The following ZRANB3 variants were observed in gnomAD, a reference collection of about 807,000 sequenced individuals.
ZRANB3 encodes the protein DNA annealing helicase and endonuclease ZRANB3.
A neutral mutation model predicts 133.8 loss-of-function variants in ZRANB3; 125 were observed. The ratio of observed to expected loss-of-function variants is 0.93; its 90% CI spans 0.81 to 1.08. ZRANB3 has a LOEUF of 1.08. Among genes scored for constraint, ZRANB3 ranks in the 50% least tolerant of loss-of-function variants. The probability of loss-of-function intolerance (pLI) is 0.00; values close to 1 mark genes in which losing one functional copy is unlikely to be tolerated. For missense variants in ZRANB3, 1,229 were observed against 1,275.5 expected (o/e 0.96, Z 0.56); for synonymous variants, 387 against 432.7 (o/e 0.89, Z 1.31).
At chr2:135,284,238 A>G (rs1681238202) in intron 8 of ZRANB3, among the ~76,000 whole-genome samples, 2 of 152,206 alleles carry the variant, frequency 1.3e-5, no homozygotes, top group Admixed American at 1.3e-4. Flanking sequence ...TGTGGTGAAA[A>G]TTAAATAAGT....
chr2:135,247,538 G>A (rs1388293074), intron 12 of ZRANB3, among the ~76,000 whole-genome samples: 1 of 151,912 alleles, frequency 6.6e-6, no homozygotes, highest in Non-Finnish European at 1.5e-5. Context: ...AAAAGAAAAC[G>A]TTATTACTTA....
intron 2 of ZRANB3, among the ~76,000 whole-genome samples, chr2:135,501,071 T>C (rs1243863193): frequency 6.6e-6 from 1 of 151,936 alleles, no homozygotes; most frequent in Non-Finnish European, 1.5e-5. Context: ...ACAGGATAAA[T>C]AAAAAGAAAA....
intron 2 of ZRANB3, among the ~76,000 whole-genome samples, chr2:135,409,438 C>T (rs1012320001): frequency 2.7e-5 from 4 of 149,776 alleles, no homozygotes; most frequent in Non-Finnish European, 4.4e-5. Flanking sequence ...TCCAACATCG[C>T]TTTATGATAA....
chr2:135,283,054 G>A lies in ZRANB3; in HGVS notation c.967-7299C>T, dbSNP rs527743214. On this transcript the variant is annotated intron_variant, in intron 8 of 20. Transcript: ENST00000264159. ...AATCCCAGCACTTTGGGAGGCTGGG[G>A]CAGGAGGACTGCTCAAGCCCAGGAG... 2.2e-4 allele frequency among the ~76,000 whole-genome samples: 33 copies of A among 152,276 alleles called. No individual in the cohort carries two copies. In the South Asian group the frequency reaches 5.8e-3, roughly 27 times the overall value.
intron 2 of ZRANB3, among the ~76,000 whole-genome samples, chr2:135,402,383 C>T (rs1340818186): frequency 6.6e-6 from 1 of 151,412 alleles, no homozygotes; most frequent in South Asian, 2.1e-4. Flanking sequence ...CAACCTCCGG[C>T]TCCCAGGTTC....
In ZRANB3 at chr2:135,268,943, A is replaced by C. The variant is rs1353092980; in HGVS notation, c.1386+19T>G. 9 of 1,587,886 alleles carry C rather than the reference A, an allele frequency of 5.7e-6. No homozygotes were observed. The highest frequency in any genetic ancestry group is 7.7e-6 in the Non-Finnish European group (9 of 1,168,008). ...TAATAGTAAGTAAGCTGCTAACTTG[A>C]TTTAAATTCAAGCTTTACCTTGCGA... On this transcript the variant is annotated intron_variant, in intron 11 of 20. Coordinates refer to ENST00000264159, the MANE Select transcript of ZRANB3 (RefSeq NM_032143.4).
At chr2:135,203,029 A>G (rs1693687321) in intron 19 of ZRANB3, 66 bp from the exon 20 acceptor site, 1 of 1,560,606 alleles carries the variant, frequency 6.4e-7, no homozygotes. Flanking sequence ...TTGGTTTTGC[A>G]TTGTGCAATC....
intron 3 of ZRANB3, among the ~76,000 whole-genome samples, chr2:135,375,713 G>A (rs1192024086): frequency 1.3e-5 from 2 of 150,548 alleles, no homozygotes; most frequent in African/African-American, 2.4e-5. Flanking sequence ...AAAGTTGGCC[G>A]GGGTGGTGGA....
chr2:135,396,266 A>G (rs1260782947), intron 2 of ZRANB3, among the ~76,000 whole-genome samples: 2 of 152,176 alleles, frequency 1.3e-5, no homozygotes, highest in Non-Finnish European at 2.9e-5. Flanking sequence ...TCCTCACAAA[A>G]ACTAAAAATA....
chr2:135,485,655 C>T (rs1051970758), intron 2 of ZRANB3, among the ~76,000 whole-genome samples: 2 of 152,142 alleles, frequency 1.3e-5, no homozygotes, highest in African/African-American at 2.4e-5. Context: ...TTGCGGGTTC[C>T]GTTCCAGATC....
At chr2:135,467,146 C>T (rs1176796974) in intron 2 of ZRANB3, among the ~76,000 whole-genome samples, 1 of 152,150 alleles carries the variant, frequency 6.6e-6, no homozygotes, top group Non-Finnish European at 1.5e-5. Context: ...GTATTTCTCT[C>T]CACATCTCCT....
At chr2:135,232,400 C>A (rs1423003333) in intron 12 of ZRANB3, among the ~76,000 whole-genome samples, 4 of 152,206 alleles carry the variant, frequency 2.6e-5, no homozygotes, top group Non-Finnish European at 5.9e-5. Flanking sequence ...GCAGCAGAAA[C>A]CTCTGCAGAC....
At chr2:135,321,288 G>C (rs924747754) in intron 6 of ZRANB3, among the ~76,000 whole-genome samples, 2 of 152,084 alleles carry the variant, frequency 1.3e-5, no homozygotes. Context: ...CCAGTTGTTC[G>C]GTAACCTTGC....
chr2:135,315,790 A>AC (rs1683220134), intron 6 of ZRANB3, among the ~76,000 whole-genome samples: 1 of 152,230 alleles, frequency 6.6e-6, no homozygotes, highest in African/African-American at 2.4e-5. Context: ...TGAACTGATG[A>AC]CTGTGAATTG....
intron 20 of ZRANB3, among the ~76,000 whole-genome samples, chr2:135,200,676 T>C (rs1256280447): frequency 6.6e-6 from 1 of 151,632 alleles, no homozygotes; most frequent in East Asian, 1.9e-4. Context: ...ACTTGGGGGA[T>C]GTCTTGCTAC....
chr2:135,391,867 C>T (rs1235958817), intron 2 of ZRANB3, among the ~76,000 whole-genome samples: 1 of 152,188 alleles, frequency 6.6e-6, no homozygotes, highest in Non-Finnish European at 1.5e-5. Flanking sequence ...GTGTGAGCCA[C>T]CGCGCCTGGC....
chr2:135,464,381 A>G (rs114225084), intron 2 of ZRANB3, among the ~76,000 whole-genome samples: 1,592 of 152,262 alleles, frequency 0.01, 26 homozygotes, highest in African/African-American at 0.036. Flanking sequence ...ACAGGGATCC[A>G]TGTCACACTG....
intron 2 of ZRANB3, among the ~76,000 whole-genome samples, chr2:135,436,364 G>A (rs767754080): frequency 5.3e-5 from 8 of 151,986 alleles, no homozygotes; most frequent in Admixed American, 3.3e-4. Context: ...GTTTTGGTTC[G>A]TGTAGCCTTG....
chr2:135,414,805 C>A (rs1191820049), intron 2 of ZRANB3, among the ~76,000 whole-genome samples: 8 of 152,154 alleles, frequency 5.3e-5, no homozygotes, highest in Non-Finnish European at 1.2e-4. Context: ...GAATCTCACT[C>A]AAAACTGCTC....
Sources: gnomAD v4.1 joint callset for allele counts (sites outside exome capture counted in the v4.1 genomes callset) on GRCh38, gnomAD v4.1.1 for gene constraint, MANE v1.5 for transcripts, NCBI Gene and HGNC (gene_info 2026-07-23, HGNC 2026-07-21) for gene names.